Variants in CNOT3 observed in about 807,000 individuals in gnomAD.
The protein encoded by CNOT3 is CCR4-associated factor 3.
Under a neutral mutation model 89.4 loss-of-function variants are expected in CNOT3, and 2 were observed. The ratio of observed to expected loss-of-function variants is 0.02; its 90% CI spans 0.01 to 0.07. CNOT3 has a LOEUF of 0.07. CNOT3 is among the 10% of genes least tolerant of loss of function. The pLI, the probability that CNOT3 is intolerant of heterozygous loss-of-function variation, is 1.00. For missense variants in CNOT3, 664 were observed against 1,010.2 expected, an observed-to-expected ratio of 0.66 and a Z score of 4.65; for synonymous variants, 486 against 402.0, an observed-to-expected ratio of 1.21 and a Z score of -2.50.
chr19:54,151,700 G>A (rs1240335386), intron 13 of CNOT3, among the ~76,000 whole-genome samples: 2 of 152,176 alleles, frequency 1.3e-5, no homozygotes, highest in Non-Finnish European at 1.5e-5. Context: ...TGCGGGGCTG[G>A]AGACCCAACC....
chr19:54,146,209 G>A (rs1407181545), intron 9 of CNOT3, among the ~76,000 whole-genome samples, 166 bp downstream of exon 9: 9 of 152,188 alleles, frequency 5.9e-5, no homozygotes, highest in African/African-American at 2.2e-4. Context: ...CTATATCTGG[G>A]TCCCTAAAGG....
intron 17 of CNOT3, 191 bp downstream of exon 17, chr19:54,154,031 C>A: frequency 2.6e-6 from 2 of 772,540 alleles, no homozygotes; most frequent in Non-Finnish European, 4.6e-6. Flanking sequence ...TCCACTTGGC[C>A]AGCTCCTAGG....
chr19:54,152,059 T>G (rs587627066), intron 13 of CNOT3, among the ~76,000 whole-genome samples, 167 bp from the exon 14 acceptor site: 2 of 152,354 alleles, frequency 1.3e-5, no homozygotes, highest in African/African-American at 2.4e-5. Flanking sequence ...TCCGATTGTT[T>G]CCCTACAGTT....
chr19:54,148,307 G>T lies in CNOT3; in HGVS notation c.1054G>T (p.Ala352Ser). The change falls in exon 11 of 18, where the codon GCC becomes TCC. Residue 352 changes from alanine (A) to serine (S), a missense_variant. Around this residue, in one of 8 missense-constraint regions of CNOT3, gnomAD observed 545 missense variants for 566.2 expected, o/e 0.96. Transcript: ENST00000221232. This position sits in a 1 kb window ranked among gnomAD's most constrained non-coding sequence, Gnocchi z 6.3. ...CCCCGCCCCCGCAGCACCCCCAAGT[G>T]CCCTGGGCCCCAAGGCCAGTCCAGC... ...GVPAPAAPPSALGPKASPAPS... is the reference protein window; with the variant it reads ...GVPAPAAPPSSLGPKASPAPS... The T allele has an allele frequency of 6.2e-7, 1 of 1,607,372 alleles. No homozygotes were observed. The highest frequency in any genetic ancestry group is 8.5e-7 in the Non-Finnish European group (1 of 1,176,526).
Position 54,149,592 on chromosome 19 carries a change from C to G in CNOT3, c.1439C>G (p.Ala480Gly). 6.2e-7 allele frequency: 1 copy of G among 1,606,168 alleles called. No homozygotes were observed. Among genetic ancestry groups the G allele is most frequent in the South Asian group, 1.1e-5 (1 of 90,250 alleles). Residue 480 changes from alanine (A) to glycine (G), a missense_variant, in exon 13 of 18, where the codon GCT becomes GGT. Around this residue, in one of 8 missense-constraint regions of CNOT3, gnomAD observed 545 missense variants for 566.2 expected, o/e 0.96. Transcript: ENST00000221232. Reference protein sequence around the residue: ...KEPSAAAPTGAGGVAPGSGNN... With the variant: ...KEPSAAAPTGGGGVAPGSGNN... ...CCCAGTGCGGCAGCCCCAACGGGGG[C>G]TGGGGGCGTGGCCCCAGGCTCAGGG...
At chr19:54,142,689 C>A in intron 1 of CNOT3, 1 of 581,566 alleles carries the variant, frequency 1.7e-6, no homozygotes, top group South Asian at 2.1e-5. Flanking sequence ...GAGTCAGAGG[C>A]ACACAAAAAA....
At chr19:54,140,187 T>C (rs587704953) in intron 1 of CNOT3, among the ~76,000 whole-genome samples, 1 of 152,280 alleles carries the variant, frequency 6.6e-6, no homozygotes, top group African/African-American at 2.4e-5. Context: ...GGCTCTTCTT[T>C]ACTGGTTTTG....
rs369127356 is a variant in CNOT3, at chr19:54,152,458, C to T, written c.1736C>T (p.Pro579Leu). 13 of 1,614,076 alleles carry T rather than the reference C, an allele frequency of 8.1e-6. No homozygotes were observed. Among genetic ancestry groups the T allele is most frequent in the Middle Eastern group, 1.6e-4 (1 of 6,084 alleles). Residue 579 changes from proline (P) to leucine (L), a missense_variant, in exon 15 of 18, where the codon CCG becomes CTG. By Grantham distance (98) the Pro-to-Leu change is moderately conservative (BLOSUM62 -3). Transcript: ENST00000221232. ...ATCCTGAGCAGTACATCAGCACCTC[C>T]GGCCTCAGCCCAGCCGCCCCTGCAG... is the stretch of plus-strand genomic sequence containing the variant. ...DIILSSTSAPPASAQPPLQLS... is the reference protein window; with the variant it reads ...DIILSSTSAPLASAQPPLQLS...
Position 54,143,108 on chromosome 19 carries a change from T to A in CNOT3, c.26-11T>A. The A allele has an allele frequency of 6.2e-7, 1 of 1,613,860 alleles. No individual in the cohort carries two copies. Among genetic ancestry groups the A allele is most frequent in the Non-Finnish European group, 8.5e-7 (1 of 1,179,836 alleles). ...GGCAGGATTCTCACAGCCTTGTTCC[T>A]CCCTGGCCAGGTGAGATTGATCGCT... is the stretch of plus-strand genomic sequence containing the variant. On this transcript the variant is annotated splice_polypyrimidine_tract_variant and intron_variant, in intron 2 of 17. Transcript: ENST00000221232.
At position 54,149,581 on chromosome 19, in the gene CNOT3, C is replaced by T; in HGVS notation, c.1428C>T (p.Ala476=). ...PSTSKEPSAA[A]PTGAGGVAPG... ...CCAGGAAGGAACCCAGTGCGGCAGC[C>T]CCAACGGGGGCTGGGGGCGTGGCCC... is the stretch of plus-strand genomic sequence containing the variant. Residue 476 remains alanine (A), a synonymous_variant, in exon 13 of 18, where the codon GCC becomes GCT. Transcript: ENST00000221232. 1 of 1,600,178 alleles carries T rather than the reference C, an allele frequency of 6.2e-7. No individual in the cohort carries two copies. Among genetic ancestry groups the T allele is most frequent in the South Asian group, 1.1e-5 (1 of 89,360 alleles).
intron 13 of CNOT3, 94 bp from the exon 14 acceptor site, chr19:54,152,132 A>C: frequency 1.4e-6 from 2 of 1,386,446 alleles, no homozygotes; most frequent in Non-Finnish European, 2.0e-6. Flanking sequence ...CACGGCCCCC[A>C]AACAGGGCAG....
chr19:54,150,353 C>G (rs1277864713), intron 13 of CNOT3, among the ~76,000 whole-genome samples: 2 of 152,198 alleles, frequency 1.3e-5, no homozygotes, highest in Admixed American at 6.5e-5. Flanking sequence ...TTAGGAGGAG[C>G]ATGCATCTGC....
chr19:54,153,594 C>G (rs2075262943), intron 16 of CNOT3, 121 bp from the exon 17 acceptor site: 1 of 805,502 alleles, frequency 1.2e-6, no homozygotes. Context: ...AGAGGATTGT[C>G]CAGCCCAACT....
chr19:54,148,477 C>T lies in CNOT3; in HGVS notation c.1224C>T (p.Ser408=). 2.6e-6 allele frequency: 4 copies of T among 1,560,310 alleles called. No homozygotes were observed. Among genetic ancestry groups the T allele is most frequent in the Non-Finnish European group, 3.5e-6 (4 of 1,150,476 alleles). The change falls in exon 11 of 18, where the codon AGC becomes AGT. Residue 408 remains serine, a synonymous_variant. Transcript: ENST00000221232. The surrounding 1 kb of genome is among the most constrained non-coding windows in gnomAD (Gnocchi z 6.3). ...GGGGGSGGGG[S]SSSSNSSAGG... The stretch of plus-strand genomic sequence containing the variant: ...GCGGCGGCAGCGGAGGCGGAGGGAG[C>T]AGCAGCAGTAGTAACAGCAGTGCCG...
intron 10 of CNOT3, among the ~76,000 whole-genome samples, chr19:54,147,690 TG>T (rs2074759195): frequency 6.6e-6 from 1 of 152,230 alleles, no homozygotes; most frequent in African/African-American, 2.4e-5. Flanking sequence ...TCCAGCCCTG[TG>T]AGTAGCTTCT....
intron 9 of CNOT3, 86 bp downstream of exon 9, chr19:54,146,129 TG>T: frequency 1.3e-6 from 2 of 1,483,726 alleles, no homozygotes; most frequent in South Asian, 1.2e-5. Context: ...AAAGTGGCTA[TG>T]GGAGCGTAAT....
At chr19:54,146,902 C>T (rs1442607069) in intron 10 of CNOT3, among the ~76,000 whole-genome samples, 3 of 152,194 alleles carry the variant, frequency 2.0e-5, no homozygotes, top group Non-Finnish European at 4.4e-5. Context: ...TGTGGAGTGC[C>T]CTGGGCTTCA....
chr19:54,143,057 A>G (rs2074517645), intron 2 of CNOT3, 54 bp downstream of exon 2: 9 of 1,612,824 alleles, frequency 5.6e-6, no homozygotes, highest in Non-Finnish European at 7.6e-6. Context: ...TCTTCTGAGG[A>G]CTGCTCTTTA....
chr19:54,140,744 C>T (rs1430109566), intron 1 of CNOT3, among the ~76,000 whole-genome samples: 2 of 152,180 alleles, frequency 1.3e-5, no homozygotes, highest in African/African-American at 4.8e-5. Flanking sequence ...TCTGAAACAT[C>T]ACCTCCCTGG....
Sources: gnomAD v4.1 joint callset for allele counts (sites outside exome capture counted in the v4.1 genomes callset) on GRCh38, gnomAD v4.1.1 for gene constraint, gnomAD v4.1.1 regional missense constraint, Gnocchi (gnomAD v3.1) non-coding constraint, MANE v1.5 for transcripts, NCBI Gene and HGNC (gene_info 2026-07-23, HGNC 2026-07-21) for gene names.